CIMIP2C: variants seen among roughly 807,000 people sequenced by gnomAD.
The protein encoded by CIMIP2C is ciliary microtubule inner protein 2C, also known as UPF0573 protein C2orf70.
chr2:26,567,591 G>A, the CIMIP2C span, among the ~76,000 whole-genome samples: 1 of 152,198 alleles, frequency 6.6e-6, no homozygotes, highest in Non-Finnish European at 1.5e-5. Flanking sequence ...GCTTGGGAAG[G>A]GAGGGTTCCA....
chr2:26,570,848 G>A, the CIMIP2C span, among the ~76,000 whole-genome samples: 1 of 152,130 alleles, frequency 6.6e-6, no homozygotes, highest in Non-Finnish European at 1.5e-5. Flanking sequence ...GTCCAGGCAA[G>A]CAATGAGGGA....
At chr2:26,579,343 G>A in the CIMIP2C span, 1,765 of 1,614,040 alleles carry the variant, frequency 1.1e-3, 2 homozygotes, top group Middle Eastern at 1.8e-3. Flanking sequence ...ACTAGCCCCC[G>A]AGAACCTGAA....
At chr2:26,565,032 TCTC>T in the CIMIP2C span, among the ~76,000 whole-genome samples, 8 of 133,524 alleles carry the variant, frequency 6.0e-5, no homozygotes, top group Non-Finnish European at 1.2e-4. Context: ...TTCTTCTTCT[TCTC>T]CTTCTCCTTC....
chr2:26,562,805 C>A, the CIMIP2C span: 1 of 870,334 alleles, frequency 1.1e-6, no homozygotes, highest in Non-Finnish European at 1.9e-6. Context: ...AGCCAATTTT[C>A]CACCCGACGG....
the CIMIP2C span, among the ~76,000 whole-genome samples, chr2:26,574,660 G>A: frequency 0.012 from 1,781 of 152,294 alleles, 43 homozygotes; most frequent in African/African-American, 0.041. Flanking sequence ...GACAGACCCC[G>A]GAGGTTCACC....
At chr2:26,572,587 TG>T in the CIMIP2C span, among the ~76,000 whole-genome samples, 2 of 152,222 alleles carry the variant, frequency 1.3e-5, no homozygotes, top group Non-Finnish European at 2.9e-5. Context: ...ATCTTTTTGC[TG>T]GGGTTGGCAG....
At chr2:26,570,340 G>T in the CIMIP2C span, among the ~76,000 whole-genome samples, 1 of 152,210 alleles carries the variant, frequency 6.6e-6, no homozygotes, top group Non-Finnish European at 1.5e-5. Flanking sequence ...GCTGATCAGA[G>T]CCACGCTCCT....
chr2:26,577,774 A>G, the CIMIP2C span: 1 of 608,930 alleles, frequency 1.6e-6, no homozygotes, highest in Non-Finnish European at 2.8e-6. Flanking sequence ...TGATGGTTAC[A>G]GAGCAAGGGG....
the CIMIP2C span, among the ~76,000 whole-genome samples, chr2:26,577,226 G>A: frequency 6.6e-6 from 1 of 152,222 alleles, no homozygotes; most frequent in Non-Finnish European, 1.5e-5. Flanking sequence ...CTGCGGGGCT[G>A]GGTTTTTGTA....
At chr2:26,568,935 C>T in the CIMIP2C span, among the ~76,000 whole-genome samples, 1 of 150,834 alleles carries the variant, frequency 6.6e-6, no homozygotes, top group Admixed American at 6.6e-5. Context: ...GCAGGAGAAT[C>T]GCTTGAACCC....
chr2:26,578,523 G>C, the CIMIP2C span: 2 of 249,854 alleles, frequency 8.0e-6, no homozygotes, highest in African/African-American at 4.5e-5. Flanking sequence ...CTCATTGATC[G>C]CCTGGGGAAC....
the CIMIP2C span, chr2:26,576,308 C>T: frequency 8.9e-7 from 1 of 1,129,476 alleles, no homozygotes; most frequent in Non-Finnish European, 1.2e-6. Context: ...TCTCAGAGCC[C>T]CTGAGCCAGC....
the CIMIP2C span, chr2:26,562,906 G>T: frequency 1.8e-6 from 1 of 565,712 alleles, no homozygotes; most frequent in Non-Finnish European, 3.1e-6. Flanking sequence ...TCACAGGAAG[G>T]CGCTCCCTGG....
At chr2:26,565,124 C>G in the CIMIP2C span, among the ~76,000 whole-genome samples, 1 of 148,532 alleles carries the variant, frequency 6.7e-6, no homozygotes, top group Non-Finnish European at 1.5e-5. Context: ...GAGTCTTGCT[C>G]TGTTGCCCAG....
At chr2:26,575,787 A>T in the CIMIP2C span, 44 of 1,312,970 alleles carry the variant, frequency 3.4e-5, 1 homozygote, top group South Asian at 3.8e-4. Context: ...GCTTTCCAAC[A>T]TGCTGGGATT....
chr2:26,575,246 C>A, the CIMIP2C span, among the ~76,000 whole-genome samples: 1 of 152,202 alleles, frequency 6.6e-6, no homozygotes, highest in Non-Finnish European at 1.5e-5. Context: ...GGCTGCTGTG[C>A]TGGGAGCAAG....
the CIMIP2C span, chr2:26,579,348 C>G: frequency 6.2e-7 from 1 of 1,614,130 alleles, no homozygotes; most frequent in East Asian, 2.2e-5. Context: ...CCCCCGAGAA[C>G]CTGAAGACCT....
At chr2:26,565,024 C>T in the CIMIP2C span, among the ~76,000 whole-genome samples, 3 of 150,928 alleles carry the variant, frequency 2.0e-5, no homozygotes, top group African/African-American at 7.3e-5. Context: ...TTTTCTTCTT[C>T]TTCTTCTTCT....
At chr2:26,571,617 A>T in the CIMIP2C span, among the ~76,000 whole-genome samples, 1 of 152,304 alleles carries the variant, frequency 6.6e-6, no homozygotes, top group East Asian at 1.9e-4. Flanking sequence ...CTCTGTTTTT[A>T]AAAAATGATG....
Sources: gnomAD v4.1 joint callset for allele counts (sites outside exome capture counted in the v4.1 genomes callset) on GRCh38, gnomAD v4.1.1 for gene constraint, MANE v1.5 for transcripts, NCBI Gene and HGNC (gene_info 2026-07-23, HGNC 2026-07-21) for gene names.